NCKAP5: variants seen among roughly 807,000 people sequenced by gnomAD.
The protein encoded by NCKAP5 is nck-associated protein 5.
NCKAP5 carries 92 observed loss-of-function variants against 167.0 expected under a neutral mutation model. The ratio of observed to expected loss-of-function variants is 0.55; its 90% CI spans 0.47 to 0.66. NCKAP5 has a LOEUF of 0.66. Among genes scored for constraint, NCKAP5 ranks in the 30% least tolerant of loss-of-function variants. The pLI is 0.00. For synonymous variants in NCKAP5, 891 were observed against 877.4 expected, an observed-to-expected ratio of 1.02 and a Z score of -0.27; for missense variants, 2,378 against 2,315.0, an observed-to-expected ratio of 1.03 and a Z score of -0.56.
chr2:132,941,737 G>A (rs1697315528), intron 8 of NCKAP5, among the ~76,000 whole-genome samples: 1 of 152,054 alleles, frequency 6.6e-6, no homozygotes, highest in Non-Finnish European at 1.5e-5. Context: ...GCAATTTGAG[G>A]TAATTTTTAT....
At chr2:133,227,630 T>C (rs1559292303) in intron 4 of NCKAP5, among the ~76,000 whole-genome samples, 1 of 152,206 alleles carries the variant, frequency 6.6e-6, no homozygotes, top group South Asian at 2.1e-4. Flanking sequence ...TTCAACTAAA[T>C]AGCCTTCTCT....
chr2:132,673,283 G>C lies in NCKAP5; in HGVS notation c.*6C>G. ...TAATCTATTCTCGGGATCGTCTTTT[G>C]TTTCTTCAAGTTGTCTCAATTTCTG... On this transcript the variant is annotated 3_prime_UTR_variant, in exon 20 of 20. Coordinates refer to ENST00000409261, the MANE Select transcript of NCKAP5 (RefSeq NM_207363.3). 1 of 1,499,142 alleles carries C rather than the reference G, an allele frequency of 6.7e-7. No individual in the cohort carries two copies. The highest frequency in any genetic ancestry group is 2.5e-5 in the East Asian group (1 of 39,584). The allele number at this position is 1,499,142 out of a possible 1,614,324, so 92.9% of individuals were successfully genotyped here.
intron 5 of NCKAP5, among the ~76,000 whole-genome samples, chr2:133,161,143 G>A (rs964220762): frequency 6.6e-5 from 10 of 152,126 alleles, no homozygotes; most frequent in African/African-American, 2.4e-4. Flanking sequence ...CTCCTTATGA[G>A]AATCTAATTC....
chr2:133,589,347 T>C, the NCKAP5 span, among the ~76,000 whole-genome samples: 1 of 152,130 alleles, frequency 6.6e-6, no homozygotes, highest in South Asian at 2.1e-4. Context: ...ACCTGAGAAA[T>C]TGGAAAGACA....
rs1292803937 is a variant in NCKAP5 at position 132,783,201 on chromosome 2, C to T, written c.3610G>A (p.Gly1204Ser). 1.9e-6 allele frequency: 3 copies of T among 1,613,856 alleles called. No homozygotes were observed. The African/African-American group carries it at 4.0e-5, about 22-fold the overall frequency. ...KNPASMEITA[G>S]ERNVTLPDSQ... ...TCCGGTAGGGTCACATTTCTTTCAC[C>T]CGCTGTGATCTCCATGCTTGCTGGA... Residue 1204 changes from glycine to serine, a missense_variant, in exon 14 of 20, where the codon GGT (glycine) becomes AGT (serine). By Grantham distance (56) the Gly-to-Ser change is moderately conservative. Transcript: ENST00000409261.
Position 132,783,415 on chromosome 2 carries a change from A to C in NCKAP5, c.3396T>G (p.His1132Gln). 1 of 1,592,278 alleles carries C rather than the reference A, an allele frequency of 6.3e-7. No individual in the cohort carries two copies. The highest frequency in any genetic ancestry group is 8.5e-7 in the Non-Finnish European group (1 of 1,169,606). Residue 1132 changes from histidine (H) to glutamine (Q), a missense_variant, in exon 14 of 20, where the codon CAT becomes CAG. His to Gln is a conservative substitution (Grantham distance 24, BLOSUM62 0). Around this residue, in one of 3 missense-constraint regions of NCKAP5, gnomAD observed 1,325 missense variants for 1,274.5 expected, o/e 1.04. Transcript: ENST00000409261. Reference protein sequence around the residue: ...SSPAKSHNSPHGCQSAHEKGL... With the variant: ...SSPAKSHNSPQGCQSAHEKGL... ...CTTTCTCATGAGCACTTTGACAACC[A>C]TGAGGGCTGTTATGGCTTTTGGCGG... is the stretch of plus-strand genomic sequence containing the variant.
At chr2:132,791,625 G>A (rs113224974) in intron 12 of NCKAP5, among the ~76,000 whole-genome samples, 57 of 152,078 alleles carry the variant, frequency 3.7e-4, no homozygotes, top group African/African-American at 1.3e-3. Flanking sequence ...TAAGCCATCT[G>A]TCTTTGTGTC....
At chr2:133,355,081 T>G (rs1447089208) in intron 3 of NCKAP5, among the ~76,000 whole-genome samples, 3 of 152,246 alleles carry the variant, frequency 2.0e-5, no homozygotes, top group South Asian at 2.1e-4. Flanking sequence ...TCTAAAATTC[T>G]GGATAAGAGA....
At chr2:133,106,292 CA>C (rs10612612) in intron 6 of NCKAP5, among the ~76,000 whole-genome samples, 799 of 76,836 alleles carry the variant, frequency 0.01, 5 homozygotes, top group Middle Eastern at 0.022. Context: ...GACTCCGTCT[CA>C]AAAAAAAAAA....
chr2:133,191,069 T>G (rs958799529), intron 5 of NCKAP5, among the ~76,000 whole-genome samples: 1 of 151,592 alleles, frequency 6.6e-6, no homozygotes, highest in Non-Finnish European at 1.5e-5. Flanking sequence ...TTCAACAAAT[T>G]TACAAGAAAA....
intron 8 of NCKAP5, among the ~76,000 whole-genome samples, chr2:132,953,807 A>T (rs1474770194): frequency 6.6e-6 from 1 of 152,316 alleles, no homozygotes; most frequent in East Asian, 1.9e-4. Flanking sequence ...GATGGAATTG[A>T]TGGAACTGCT....
intron 11 of NCKAP5, among the ~76,000 whole-genome samples, chr2:132,858,868 C>A (rs1257116284): frequency 6.6e-6 from 1 of 152,020 alleles, no homozygotes; most frequent in Non-Finnish European, 1.5e-5. Context: ...GTTTACCATG[C>A]AAATAAATGA....
In NCKAP5 at chr2:132,998,629, C is replaced by T. The variant is rs145419054; in HGVS notation, c.342-4390G>A. Among the ~76,000 whole-genome samples the T allele has an allele frequency of 7.9e-5, 12 of 152,222 alleles. No individual in the cohort carries two copies. The East Asian group carries it at 2.3e-3, about 29-fold the overall frequency. On this transcript the variant is annotated intron_variant, in intron 6 of 19. Coordinates refer to ENST00000409261, the MANE Select transcript of NCKAP5 (RefSeq NM_207363.3). ...TTTTTAAAAATTCTTATTTAACAAACTTCTCTATTTTCCCAAAAATCAAAA... is the reference window on the plus strand; with the variant it reads ...TTTTTAAAAATTCTTATTTAACAAATTTCTCTATTTTCCCAAAAATCAAAA...
intron 6 of NCKAP5, among the ~76,000 whole-genome samples, chr2:133,067,784 C>T (rs1321490296): frequency 6.6e-6 from 1 of 152,024 alleles, no homozygotes; most frequent in African/African-American, 2.4e-5. Flanking sequence ...AGACTGTTTC[C>T]CTGGGAAACA....
chr2:133,300,088 A>G (rs1369978393), intron 4 of NCKAP5, among the ~76,000 whole-genome samples: 3 of 135,530 alleles, frequency 2.2e-5, no homozygotes, highest in Non-Finnish European at 3.1e-5. Flanking sequence ...GAAGAAGTTG[A>G]ATCTCTGAAT....
At chr2:133,605,679 A>G in the NCKAP5 span, among the ~76,000 whole-genome samples, 1 of 152,230 alleles carries the variant, frequency 6.6e-6, no homozygotes, top group Admixed American at 6.5e-5. Flanking sequence ...AATAATTTGC[A>G]TCTGGGGTTT....
At chr2:133,114,863 G>C (rs2082023200) in intron 6 of NCKAP5, among the ~76,000 whole-genome samples, 1 of 152,050 alleles carries the variant, frequency 6.6e-6, no homozygotes, top group Admixed American at 6.5e-5. Flanking sequence ...AGATAGTTTT[G>C]GGTATTTCCA....
At chr2:133,354,376 C>G (rs1251993842) in intron 3 of NCKAP5, among the ~76,000 whole-genome samples, 2 of 151,888 alleles carry the variant, frequency 1.3e-5, no homozygotes, top group South Asian at 4.2e-4. Context: ...TCCACCTCAG[C>G]CTCCCAGTAG....
chr2:133,016,922 T>C (rs1029831842), intron 6 of NCKAP5, among the ~76,000 whole-genome samples: 1 of 152,226 alleles, frequency 6.6e-6, no homozygotes, highest in Non-Finnish European at 1.5e-5. Context: ...CTGAGACACA[T>C]AACAAATTTA....
Sources: allele counts gnomAD v4.1 joint callset (sites outside exome capture counted in the v4.1 genomes callset), GRCh38; gene constraint gnomAD v4.1.1; regional missense constraint gnomAD v4.1.1; transcripts MANE v1.5; gene names NCBI Gene and HGNC (gene_info 2026-07-23, HGNC 2026-07-21).